ZNF804B: variants seen among roughly 807,000 people sequenced by gnomAD.
The protein encoded by ZNF804B is zinc finger 804B.
In ZNF804B, 80 loss-of-function variants were observed where a neutral mutation model predicts 101.4. That is an observed-to-expected ratio of 0.79 (90% CI 0.66 to 0.95). ZNF804B has a LOEUF of 0.95. Among genes scored for constraint, ZNF804B ranks in the 40% least tolerant of loss-of-function variants. ZNF804B has a pLI of 0.00. For missense variants in ZNF804B, 1,673 were observed against 1,561.9 expected (o/e 1.07, Z -1.20); for synonymous variants, 622 against 558.8 (o/e 1.11, Z -1.59).
At chr7:88,933,080 C>A (rs900760783) in intron 1 of ZNF804B, among the ~76,000 whole-genome samples, 1 of 151,396 alleles carries the variant, frequency 6.6e-6, no homozygotes, top group African/African-American at 2.4e-5. Context: ...AACAGAATAT[C>A]AAAAATATAA....
At chr7:88,785,845 T>C (rs1586901606) in intron 1 of ZNF804B, among the ~76,000 whole-genome samples, 2 of 152,194 alleles carry the variant, frequency 1.3e-5, no homozygotes, top group East Asian at 3.8e-4. Flanking sequence ...ATTGGCTTAC[T>C]TCTATTTAAC....
At chr7:88,794,359 C>T in intron 1 of ZNF804B, 2 of 1,613,790 alleles carry the variant, frequency 1.2e-6, no homozygotes, top group South Asian at 2.2e-5. Context: ...ATCGCCTGGT[C>T]CTTTAGTGCC....
intron 2 of ZNF804B, among the ~76,000 whole-genome samples, chr7:89,248,757 A>G (rs1297606583): frequency 1.3e-5 from 2 of 151,998 alleles, no homozygotes; most frequent in Non-Finnish European, 2.9e-5. Context: ...CCAACTAAAA[A>G]CTCACGACAG....
intron 1 of ZNF804B, among the ~76,000 whole-genome samples, chr7:89,019,309 G>A (rs960767027): frequency 1.3e-5 from 2 of 151,906 alleles, no homozygotes; most frequent in Non-Finnish European, 2.9e-5. Context: ...TCTTGGTATA[G>A]ATTTTTAGTT....
chr7:89,300,867 GGAGGA>G (rs760478692), intron 2 of ZNF804B, among the ~76,000 whole-genome samples: 25 of 151,804 alleles, frequency 1.6e-4, no homozygotes, highest in Non-Finnish European at 3.2e-4. Flanking sequence ...GGATAGAAGT[GGAGGA>G]GGGTGAAATT....
intron 1 of ZNF804B, among the ~76,000 whole-genome samples, chr7:88,830,923 T>C (rs1791123289): frequency 6.6e-6 from 1 of 151,984 alleles, no homozygotes; most frequent in South Asian, 2.1e-4. Context: ...TTTCATATTC[T>C]TTTTCTTAAA....
At chr7:89,063,110 T>C (rs769174408) in intron 1 of ZNF804B, among the ~76,000 whole-genome samples, 2 of 152,142 alleles carry the variant, frequency 1.3e-5, no homozygotes, top group Non-Finnish European at 2.9e-5. Flanking sequence ...AGTAAGTATA[T>C]TGTAAGTATT....
At position 89,290,854 on chromosome 7, in the gene ZNF804B, G is replaced by A. The variant is rs577705100; in HGVS notation, c.250-36490G>A. On this transcript the variant is annotated intron_variant, in intron 2 of 3. Transcript: ENST00000333190. ...TTGGGTAAGACCCAGTGCTGTGCTG[G>A]CTTCAAGTAAGACCTAGTAGAGTCC... 3.9e-5 allele frequency among the ~76,000 whole-genome samples: 6 copies of A among 152,222 alleles called. No individual in the cohort carries two copies. In the East Asian group the frequency reaches 1.2e-3, roughly 29 times the overall value.
At chr7:88,974,277 A>G (rs543177920) in intron 1 of ZNF804B, among the ~76,000 whole-genome samples, 3,421 of 150,032 alleles carry the variant, frequency 0.023, 134 homozygotes, top group African/African-American at 0.079. Context: ...ATAAATATAA[A>G]ATCTTTAGAG....
intron 1 of ZNF804B, among the ~76,000 whole-genome samples, chr7:89,158,098 T>C (rs1477977823): frequency 1.3e-5 from 2 of 152,058 alleles, no homozygotes; most frequent in Admixed American, 6.6e-5. Context: ...TAACCTTAAA[T>C]TGGGGCTTAA....
intron 1 of ZNF804B, among the ~76,000 whole-genome samples, chr7:89,064,968 A>C (rs937766891): frequency 6.6e-6 from 1 of 152,148 alleles, no homozygotes; most frequent in African/African-American, 2.4e-5. Flanking sequence ...ATTAAGGAGA[A>C]GGCTAGAAGG....
chr7:88,865,498 C>A (rs1449865525), intron 1 of ZNF804B, among the ~76,000 whole-genome samples: 1 of 152,158 alleles, frequency 6.6e-6, no homozygotes, highest in Non-Finnish European at 1.5e-5. Context: ...CACCACTGTA[C>A]TCCATCCTGG....
At chr7:89,112,201 A>G (rs1408448668) in intron 1 of ZNF804B, among the ~76,000 whole-genome samples, 1 of 152,152 alleles carries the variant, frequency 6.6e-6, no homozygotes, top group African/African-American at 2.4e-5. Context: ...CAAACTGAAG[A>G]TCACATAGAT....
At chr7:89,251,030 A>G (rs913072076) in intron 2 of ZNF804B, among the ~76,000 whole-genome samples, 1 of 152,202 alleles carries the variant, frequency 6.6e-6, no homozygotes. Flanking sequence ...GAGAACTGGA[A>G]CAAGGCAAGA....
chr7:88,789,337 A>G (rs1790345614), intron 1 of ZNF804B, among the ~76,000 whole-genome samples: 1 of 152,160 alleles, frequency 6.6e-6, no homozygotes, highest in African/African-American at 2.4e-5. Context: ...TTGTAGAGGA[A>G]TAAAGGTCTG....
chr7:89,299,926 T>C (rs879874010), intron 2 of ZNF804B, among the ~76,000 whole-genome samples: 5 of 151,922 alleles, frequency 3.3e-5, no homozygotes, highest in African/African-American at 1.2e-4. Flanking sequence ...GTCTTGGTAA[T>C]AGAAGTGTCA....
intron 1 of ZNF804B, among the ~76,000 whole-genome samples, chr7:88,797,766 A>G (rs1790512896): frequency 6.6e-6 from 1 of 152,122 alleles, no homozygotes; most frequent in South Asian, 2.1e-4. Context: ...CCTCAAGATA[A>G]GGCTAACCCC....
chr7:88,870,947 TATTA>T lies in ZNF804B; in HGVS notation c.108+110867_108+110870del, dbSNP rs537290613. 3.0e-4 allele frequency among the ~76,000 whole-genome samples: 46 copies of T among 152,340 alleles called. No homozygotes were observed. The East Asian group carries it at 3.1e-3, about 10-fold the overall frequency. On this transcript the variant is annotated intron_variant, in intron 1 of 3. Coordinates refer to ENST00000333190, the MANE Select transcript of ZNF804B (RefSeq NM_181646.5). ...CTAATATGTTTGTCATAAGGAAAGA[TATTA>T]ATTGTGTTAATAAGATTCAGTAATG...
At chr7:89,024,783 A>C (rs912034869) in intron 1 of ZNF804B, among the ~76,000 whole-genome samples, 4 of 151,754 alleles carry the variant, frequency 2.6e-5, no homozygotes, top group Admixed American at 2.0e-4. Flanking sequence ...TCAACTCCCC[A>C]TTCTTCTGGT....
Sources: gnomAD v4.1 joint callset for allele counts (sites outside exome capture counted in the v4.1 genomes callset) on GRCh38, gnomAD v4.1.1 for gene constraint, MANE v1.5 for transcripts, NCBI Gene and HGNC (gene_info 2026-07-23, HGNC 2026-07-21) for gene names.